The following CHID1 variants were observed in gnomAD, a reference collection of about 807,000 sequenced individuals.
The protein encoded by CHID1 is chitinase domain containing 1.
A neutral mutation model predicts 55.4 loss-of-function variants in CHID1; 44 were observed. That is an observed-to-expected ratio of 0.79 (90% CI 0.62 to 1.02). The LOEUF is 1.02. CHID1 is among the 50% of genes least tolerant of loss of function. The pLI, the probability that CHID1 is intolerant of heterozygous loss-of-function variation, is 0.00. For synonymous variants in CHID1, 216 were observed against 212.9 expected, an observed-to-expected ratio of 1.01 and a Z score of -0.13; for missense variants, 491 against 515.3, an observed-to-expected ratio of 0.95 and a Z score of 0.46.
At chr11:902,452 C>T (rs941889421) in intron 3 of CHID1, 122 bp from the exon 4 acceptor site, 26 of 1,075,156 alleles carry the variant, frequency 2.4e-5, no homozygotes, top group East Asian at 2.4e-4. Flanking sequence ...GATACCAGCC[C>T]GGACTGACAT....
At chr11:878,014 T>C (rs1334659837) in intron 10 of CHID1, among the ~76,000 whole-genome samples, 1 of 152,256 alleles carries the variant, frequency 6.6e-6, no homozygotes, top group Non-Finnish European at 1.5e-5. Flanking sequence ...GCTCAGACCC[T>C]GTACCACGGA....
chr11:888,730 G>A (rs1207519866), intron 8 of CHID1, among the ~76,000 whole-genome samples: 12 of 152,134 alleles, frequency 7.9e-5, no homozygotes, highest in African/African-American at 1.2e-4. Flanking sequence ...TGCAGGCAGC[G>A]GCATGCAAGT....
intron 2 of CHID1, 152 bp from the exon 3 acceptor site, chr11:903,263 C>T: frequency 6.7e-6 from 5 of 747,498 alleles, no homozygotes; most frequent in South Asian, 3.7e-5. Flanking sequence ...TGTTGAGGAT[C>T]GAGGCCACAG....
chr11:870,094 C>T (rs201415316), intron 12 of CHID1, 27 bp downstream of exon 12: 25 of 1,612,780 alleles, frequency 1.6e-5, no homozygotes, highest in African/African-American at 5.3e-5. Flanking sequence ...ACCCCTCCCC[C>T]GGTCCCACGG....
At chr11:904,626 G>A in intron 2 of CHID1, 80 bp downstream of exon 2, 1 of 1,543,130 alleles carries the variant, frequency 6.5e-7, no homozygotes, top group Non-Finnish European at 8.9e-7. Flanking sequence ...TGGCTCACAG[G>A]CCCCAGTGGA....
chr11:914,884 C>T (rs1852857870), upstream of CHID1: 1 of 308,678 alleles, frequency 3.2e-6, no homozygotes, highest in African/African-American at 2.2e-5. Context: ...CAGGCAGGGC[C>T]CTTCCCAACA....
intron 8 of CHID1, among the ~76,000 whole-genome samples, chr11:886,783 C>T (rs764084406): frequency 6.6e-6 from 1 of 152,240 alleles, no homozygotes; most frequent in Non-Finnish European, 1.5e-5. Flanking sequence ...CCCCAGCTCA[C>T]AGCCCCACAT....
At chr11:896,451 C>A (rs1420583414) in intron 7 of CHID1, among the ~76,000 whole-genome samples, 1 of 140,742 alleles carries the variant, frequency 7.1e-6, no homozygotes, top group East Asian at 2.2e-4. Flanking sequence ...AGCCTCCACC[C>A]CAGACACAAG....
At chr11:902,502 G>T (rs1851892766) in intron 3 of CHID1, among the ~76,000 whole-genome samples, 172 bp from the exon 4 acceptor site, 1 of 152,174 alleles carries the variant, frequency 6.6e-6, no homozygotes, top group African/African-American at 2.4e-5. Flanking sequence ...ACTCTGGACT[G>T]CCACTCACAG....
rs947316993 is a variant in CHID1, at chr11:875,569, C to T, written c.960-5070G>A. Among the ~76,000 whole-genome samples the T allele has an allele frequency of 3.3e-5, 5 of 152,132 alleles. No individual in the cohort carries two copies. Among genetic ancestry groups the T allele is most frequent in the African/African-American group, 1.2e-4 (5 of 41,426 alleles). ...AGAGCGCTGGGGTGTTAGGAGAACA[C>T]GGTGAGCATGAGGCCGGGGATCGGG... On this transcript the variant is annotated intron_variant, in intron 10 of 12. Transcript: ENST00000323578. This position sits in a 1 kb window ranked among gnomAD's most constrained non-coding sequence, Gnocchi z 4.7.
At chr11:910,876 G>A (rs1175201859), upstream of CHID1, 2 of 1,061,924 alleles carry the variant, frequency 1.9e-6, no homozygotes, top group Non-Finnish European at 2.3e-6. Flanking sequence ...CGCCGCGCAC[G>A]GCACGCTGGG....
intron 7 of CHID1, among the ~76,000 whole-genome samples, chr11:897,214 T>C: frequency 9.6e-6 from 1 of 103,816 alleles, no homozygotes; most frequent in Non-Finnish European, 1.9e-5. Flanking sequence ...ACCCCCAGCC[T>C]CCACCCCAGA....
Position 894,563 on chromosome 11 carries a change from C to T in CHID1, c.609-1044G>A, listed in dbSNP as rs376974661. Among the ~76,000 whole-genome samples, 20 of 152,318 alleles carry T rather than the reference C, an allele frequency of 1.3e-4. No homozygotes were observed. The South Asian group carries it at 3.1e-3, about 24-fold the overall frequency. On this transcript the variant is annotated intron_variant, in intron 7 of 12. Coordinates refer to ENST00000323578, the MANE Select transcript of CHID1 (RefSeq NM_023947.4). ...ACACTGGGCAGGCTCTGGCTGTTAC[C>T]GCACGTAGGAGACTGTCACTCTCAC... is the stretch of plus-strand genomic sequence containing the variant.
chr11:899,357 C>G lies in CHID1; in HGVS notation c.591G>C (p.Leu197=). Residue 197 remains leucine, a synonymous_variant, in exon 7 of 13, where the codon CTG becomes CTC. Coordinates refer to ENST00000323578, the MANE Select transcript of CHID1 (RefSeq NM_023947.4). ...CCACTCACACGCGCTTCTGGCTTAG[C>G]AGCTGGTTCCAGACCTCCACCACGA... The part of the protein sequence containing the change: ...DGFVVEVWNQ[L]LSQKRVGLIH... 1 of 1,603,998 alleles carries G rather than the reference C, an allele frequency of 6.2e-7. No individual in the cohort carries two copies. Among genetic ancestry groups the G allele is most frequent in the Non-Finnish European group, 8.5e-7 (1 of 1,175,262 alleles).
chr11:905,589 G>A (rs1228178359), intron 1 of CHID1, among the ~76,000 whole-genome samples: 1 of 151,882 alleles, frequency 6.6e-6, no homozygotes, highest in East Asian at 1.9e-4. Context: ...AGAATCGCTT[G>A]AACCCAGGAG....
chr11:876,672 G>A (rs1849540972), intron 10 of CHID1, among the ~76,000 whole-genome samples: 2 of 152,234 alleles, frequency 1.3e-5, no homozygotes, highest in African/African-American at 2.4e-5. Context: ...CTTGAGGCAG[G>A]AGCCATGGCT....
upstream of CHID1, among the ~76,000 whole-genome samples, chr11:913,526 A>C (rs979931882): frequency 2.6e-5 from 4 of 152,202 alleles, no homozygotes; most frequent in Non-Finnish European, 5.9e-5. Context: ...TAATCCCAGC[A>C]CTTTGGGAGG....
intron 10 of CHID1, chr11:870,736 C>A: frequency 2.0e-6 from 1 of 507,854 alleles, no homozygotes. Context: ...GAAGCCACCC[C>A]ACCAAGTCCT....
chr11:896,860 C>T (rs552420941), intron 7 of CHID1, among the ~76,000 whole-genome samples: 2 of 146,114 alleles, frequency 1.4e-5, no homozygotes, highest in East Asian at 2.1e-4. Flanking sequence ...TGTCTCAGGG[C>T]CCCCAGACTC....
Sources: allele counts gnomAD v4.1 joint callset (sites outside exome capture counted in the v4.1 genomes callset), GRCh38; gene constraint gnomAD v4.1.1; non-coding constraint Gnocchi (gnomAD v3.1); transcripts MANE v1.5; gene names NCBI Gene and HGNC (gene_info 2026-07-23, HGNC 2026-07-21).